LRP5: variants seen among roughly 807,000 people sequenced by gnomAD.
LRP5 encodes the protein low-density lipoprotein receptor-related protein 5.
A neutral mutation model predicts 154.1 loss-of-function variants in LRP5; 62 were observed. The observed-to-expected ratio is 0.40, with a 90% CI of 0.33 to 0.50. LRP5 has a LOEUF of 0.50. LRP5 is among the 20% of genes least tolerant of loss of function. The pLI, the probability that LRP5 is intolerant of heterozygous loss-of-function variation, is 0.55. For synonymous variants in LRP5, 966 were observed against 1,011.5 expected (o/e 0.96, Z 0.85); for missense variants, 1,915 against 2,336.7 (o/e 0.82, Z 3.72).
In LRP5 at chr11:68,353,783, C is replaced by T. The variant is rs745449039; in HGVS notation, c.489-3867C>T. 5.3e-5 allele frequency among the ~76,000 whole-genome samples: 8 copies of T among 152,176 alleles called. No individual in the cohort carries two copies. The highest frequency in any genetic ancestry group is 2.0e-4 in the Admixed American group (3 of 15,278). ...CAGGAAGGGGGTCTCTGGGTCCGAG[C>T]GTCCACCTCAGTGTGCACGTGGCCA... On this transcript the variant is annotated intron_variant, in intron 2 of 22. Transcript: ENST00000294304. This position sits in a 1 kb window ranked among gnomAD's most constrained non-coding sequence, Gnocchi z 4.5.
intron 13 of LRP5, among the ~76,000 whole-genome samples, chr11:68,419,897 T>C (rs533884857): frequency 1.3e-5 from 2 of 151,666 alleles, no homozygotes; most frequent in South Asian, 4.2e-4. Context: ...AGTGCAATGG[T>C]GGGCTCTTGG....
chr11:68,320,149 A>G (rs2098595901), intron 1 of LRP5, among the ~76,000 whole-genome samples: 1 of 152,204 alleles, frequency 6.6e-6, no homozygotes, highest in Non-Finnish European at 1.5e-5. Context: ...TGGGCAACAG[A>G]GCGAGACCCT....
At chr11:68,320,619 G>A (rs12419659) in intron 1 of LRP5, among the ~76,000 whole-genome samples, 26 of 151,904 alleles carry the variant, frequency 1.7e-4, no homozygotes, top group Admixed American at 1.3e-3. Context: ...GCGCCACCAC[G>A]CCTGGCTAAT....
At chr11:68,407,423 C>G (rs1478673732) in intron 9 of LRP5, among the ~76,000 whole-genome samples, 2 of 151,340 alleles carry the variant, frequency 1.3e-5, no homozygotes, top group Non-Finnish European at 3.0e-5. Context: ...CTGCCCGCCT[C>G]GGCCTCCCAA....
At chr11:68,436,321 T>G (rs923751966) in intron 18 of LRP5, among the ~76,000 whole-genome samples, 2 of 151,912 alleles carry the variant, frequency 1.3e-5, no homozygotes, top group Admixed American at 6.6e-5. Context: ...TATGGCTCCC[T>G]CTGGGTGGGC....
At chr11:68,311,990 G>A (rs1170703754), upstream of LRP5, among the ~76,000 whole-genome samples, 2 of 152,272 alleles carry the variant, frequency 1.3e-5, no homozygotes, top group Non-Finnish European at 2.9e-5. Context: ...AGGACTCAAA[G>A]GTGGCGTCTG....
At chr11:68,411,709 C>G (rs1033125425) in intron 11 of LRP5, 89 bp downstream of exon 11, 1 of 1,351,436 alleles carries the variant, frequency 7.4e-7, no homozygotes. Flanking sequence ...TACCCTGTGG[C>G]CTGCAAGTTC....
chr11:68,334,797 C>T (rs923025604), intron 1 of LRP5, among the ~76,000 whole-genome samples: 2 of 151,974 alleles, frequency 1.3e-5, no homozygotes, highest in Admixed American at 6.6e-5. Context: ...ACCTGGGAGG[C>T]GGAGGTTGCA....
rs147388442 is a variant in LRP5, at chr11:68,410,015, C to T, written c.2193C>T (p.Asn731=). Residue 731 remains asparagine (N), a synonymous_variant, in exon 10 of 23, where the codon AAC becomes AAT. Transcript: ENST00000294304. ...TGGCCGTTGACTGGATGGGCAAGAACCTCTACTGGGCCGACACTGGGACCA... is the reference window on the plus strand; with the variant it reads ...TGGCCGTTGACTGGATGGGCAAGAATCTCTACTGGGCCGACACTGGGACCA... ...EGMAVDWMGK[N]LYWADTGTNR... is the part of the protein sequence containing the mutation. 1,475 of 1,614,046 alleles carry T rather than the reference C, an allele frequency of 9.1e-4. 15 individuals carry two copies. Among genetic ancestry groups the T allele is most frequent in the Middle Eastern group, 8.9e-3 (54 of 6,062 alleles).
chr11:68,340,172 C>T (rs1397886209), intron 1 of LRP5, among the ~76,000 whole-genome samples: 2 of 152,002 alleles, frequency 1.3e-5, no homozygotes, highest in Admixed American at 6.6e-5. Flanking sequence ...ACTGGGAGGC[C>T]GAGGTTGCAG....
chr11:68,307,852 G>A (rs373750856), upstream of LRP5, among the ~76,000 whole-genome samples: 133 of 152,264 alleles, frequency 8.7e-4, 4 homozygotes, highest in South Asian at 0.026. Context: ...GGTAGAAAGA[G>A]TATTTTTAAA....
chr11:68,395,775 G>A (rs758386179), intron 7 of LRP5, among the ~76,000 whole-genome samples: 4 of 151,700 alleles, frequency 2.6e-5, no homozygotes, highest in Non-Finnish European at 5.9e-5. Flanking sequence ...CTCCTGCCCC[G>A]GGACACCTCG....
chr11:68,319,683 C>T (rs546301540), intron 1 of LRP5, among the ~76,000 whole-genome samples: 34 of 152,294 alleles, frequency 2.2e-4, no homozygotes, highest in African/African-American at 8.2e-4. Context: ...TGTCTTTGCT[C>T]TTGTTAAAAG....
chr11:68,390,141 G>T, intron 7 of LRP5, 89 bp downstream of exon 7: 1 of 1,489,104 alleles, frequency 6.7e-7, no homozygotes, highest in South Asian at 1.2e-5. Flanking sequence ...GCACCGATGG[G>T]TGCCTGTGCT....
chr11:68,360,509 T>C (rs1440736976), intron 3 of LRP5, among the ~76,000 whole-genome samples: 1 of 152,260 alleles, frequency 6.6e-6, no homozygotes, highest in Non-Finnish European at 1.5e-5. Context: ...ATGATGCACC[T>C]GGGGCTATTC....
rs2098666955 is a variant in LRP5, at chr11:68,423,426, G to T, written c.3028-63G>T. On this transcript the variant is annotated intron_variant, in intron 13 of 22. Coordinates refer to ENST00000294304, the MANE Select transcript of LRP5 (RefSeq NM_002335.4). This position sits in a 1 kb window ranked among gnomAD's most constrained non-coding sequence, Gnocchi z 4.7. ...CCGGGGGTCTCCGCCAGTGCCAGGG[G>T]TCTCCGCCAGTGCCCAGGGGTCTCC... 1.3e-6 allele frequency: 2 copies of T among 1,493,316 alleles called. No homozygotes were observed. Among genetic ancestry groups the T allele is most frequent in the Non-Finnish European group, 1.9e-6 (2 of 1,070,846 alleles). 92.5% of individuals were successfully genotyped at this position (1,493,316 alleles called of 1,614,324 possible).
In LRP5 at chr11:68,416,300, C is replaced by A. The variant is rs1016287082; in HGVS notation, c.2828-28C>A. On this transcript the variant is annotated intron_variant, in intron 12 of 22. Transcript: ENST00000294304. ...CTCCTCTGTGGCTTACAGACACCCA[C>A]CTGCAGCCCTGTCTTTGCCTCCTCT... 1.6e-5 allele frequency: 26 copies of A among 1,606,278 alleles called. No individual in the cohort carries two copies. The African/African-American group carries it at 2.9e-4, about 18-fold the overall frequency.
At chr11:68,312,970 C>T (rs1228770122) in intron 1 of LRP5, among the ~76,000 whole-genome samples, 165 bp downstream of exon 1, 1 of 147,752 alleles carries the variant, frequency 6.8e-6, no homozygotes, top group Non-Finnish European at 1.5e-5. Context: ...CCGGCGTCCC[C>T]GCCACGCGCG....
upstream of LRP5, chr11:68,312,565 C>A: frequency 5.7e-6 from 1 of 175,422 alleles, no homozygotes; most frequent in South Asian, 1.7e-4. Context: ...GGCTTCCGCT[C>A]CCGCGCGCCC....
Sources: allele counts gnomAD v4.1 joint callset (sites outside exome capture counted in the v4.1 genomes callset), GRCh38; gene constraint gnomAD v4.1.1; non-coding constraint Gnocchi (gnomAD v3.1); transcripts MANE v1.5; gene names NCBI Gene and HGNC (gene_info 2026-07-23, HGNC 2026-07-21).